Variants in TENM3 observed in about 807,000 individuals in gnomAD.
TENM3 encodes the protein teneurin-3.
A neutral mutation model predicts 255.1 loss-of-function variants in TENM3; 63 were observed. That is an observed-to-expected ratio of 0.25 (90% CI 0.20 to 0.30). The LOEUF is 0.30. TENM3 is among the 10% of genes least tolerant of loss of function. The probability of loss-of-function intolerance (pLI) is 1.00; values close to 1 mark genes in which losing one functional copy is unlikely to be tolerated. For synonymous variants in TENM3, 1,306 were observed against 1,322.3 expected, an observed-to-expected ratio of 0.99 and a Z score of 0.27; for missense variants, 2,929 against 3,461.1, an observed-to-expected ratio of 0.85 and a Z score of 3.86.
At chr4:182,679,065 C>T (rs1014848086) in intron 7 of TENM3, among the ~76,000 whole-genome samples, 4 of 152,054 alleles carry the variant, frequency 2.6e-5, no homozygotes, top group African/African-American at 7.2e-5. Context: ...GTCAGGGTGT[C>T]AGGGGCTAGG....
intron 1 of TENM3, among the ~76,000 whole-genome samples, chr4:182,230,815 T>TATAC (rs1756512062): frequency 3.5e-5 from 1 of 28,934 alleles, no homozygotes; most frequent in Admixed American, 3.0e-4. Flanking sequence ...TCTCAAACTA[T>TATAC]ATATATATAT....
At chr4:182,094,949 A>G in the TENM3 span, among the ~76,000 whole-genome samples, 1 of 139,238 alleles carries the variant, frequency 7.2e-6, no homozygotes, top group African/African-American at 2.6e-5. Context: ...GGTAAAAAAA[A>G]AAAAAAAGGA....
the TENM3 span, among the ~76,000 whole-genome samples, chr4:181,739,182 T>A: frequency 9.2e-5 from 14 of 152,204 alleles, no homozygotes; most frequent in Non-Finnish European, 2.1e-4. Flanking sequence ...TTGCATTCAA[T>A]CAGCATCAGC....
intron 3 of TENM3, among the ~76,000 whole-genome samples, chr4:182,533,659 G>GT (rs1398253986): frequency 4.6e-5 from 7 of 151,816 alleles, no homozygotes; most frequent in Non-Finnish European, 1.0e-4. Context: ...AATATAAAAG[G>GT]TTGTCTTTCA....
chr4:181,903,877 C>T, the TENM3 span, among the ~76,000 whole-genome samples: 2 of 152,072 alleles, frequency 1.3e-5, no homozygotes, highest in African/African-American at 2.4e-5. Context: ...ATCCTCCTGC[C>T]TCTTCTTTTT....
chr4:181,969,579 C>A, the TENM3 span, among the ~76,000 whole-genome samples: 2 of 152,176 alleles, frequency 1.3e-5, no homozygotes, highest in Non-Finnish European at 2.9e-5. Context: ...GTCTCTCTCA[C>A]AAAAGTAAAT....
At chr4:181,701,159 G>A in the TENM3 span, among the ~76,000 whole-genome samples, 1 of 152,116 alleles carries the variant, frequency 6.6e-6, no homozygotes, top group Admixed American at 6.5e-5. Context: ...TAAAGGTAAG[G>A]CAGGTCAGAC....
At chr4:181,621,620 C>A in the TENM3 span, among the ~76,000 whole-genome samples, 1 of 152,158 alleles carries the variant, frequency 6.6e-6, no homozygotes, top group East Asian at 1.9e-4. Flanking sequence ...GGGTCTCACA[C>A]ACACAAAAAA....
At chr4:182,708,208 T>G (rs1758440339) in intron 12 of TENM3, among the ~76,000 whole-genome samples, 1 of 152,058 alleles carries the variant, frequency 6.6e-6, no homozygotes, top group African/African-American at 2.4e-5. Context: ...TATATGCACT[T>G]AGAACAGTAT....
intron 4 of TENM3, among the ~76,000 whole-genome samples, chr4:182,618,263 G>T (rs1215115371): frequency 4.0e-5 from 6 of 151,734 alleles, no homozygotes; most frequent in African/African-American, 1.5e-4. Flanking sequence ...TTTTCAATTG[G>T]GTCCCTATAA....
chr4:182,289,109 A>C (rs1760939037), intron 1 of TENM3, among the ~76,000 whole-genome samples: 1 of 152,170 alleles, frequency 6.6e-6, no homozygotes, highest in African/African-American at 2.4e-5. Flanking sequence ...GCACACCTGT[A>C]GTCCCAGCTA....
chr4:182,022,456 C>T, the TENM3 span, among the ~76,000 whole-genome samples: 251 of 150,956 alleles, frequency 1.7e-3, no homozygotes, highest in African/African-American at 5.2e-3. Flanking sequence ...TGAGGTGATG[C>T]GTTCATTAGG....
At position 182,343,785 on chromosome 4, in the gene TENM3, A is replaced by G. The variant is rs529115500; in HGVS notation, c.233-2866A>G. Reference sequence around the variant, plus strand: ...CTGCTAGATTGCAAGAAATAATCGAATAGACTAATTTATTCTAGTTTAAGG... The same window carrying G: ...CTGCTAGATTGCAAGAAATAATCGAGTAGACTAATTTATTCTAGTTTAAGG... On this transcript the variant is annotated intron_variant, in intron 2 of 27. Coordinates refer to ENST00000511685, the MANE Select transcript of TENM3 (RefSeq NM_001080477.4). Among the ~76,000 whole-genome samples the G allele has an allele frequency of 7.2e-5, 11 of 152,288 alleles. No individual in the cohort carries two copies. The East Asian group carries it at 1.9e-3, about 27-fold the overall frequency.
At chr4:181,652,401 T>C in the TENM3 span, among the ~76,000 whole-genome samples, 1 of 152,222 alleles carries the variant, frequency 6.6e-6, no homozygotes, top group Non-Finnish European at 1.5e-5. Flanking sequence ...CGAAAGTCTG[T>C]GTGTCTCCTT....
Position 182,265,669 on chromosome 4 carries a change from G to A in TENM3, c.-76+22193G>A, listed in dbSNP as rs146632038. On this transcript the variant is annotated intron_variant, in intron 1 of 27. Transcript: ENST00000511685. ...ATCCAACTAAAAAATTTAAAAACTG[G>A]CAAATAAAACATCTTACAACTATTG... Among the ~76,000 whole-genome samples, 978 of 152,158 alleles carry A rather than the reference G, an allele frequency of 6.4e-3. 17 individuals carry two copies. Among genetic ancestry groups the A allele is most frequent in the African/African-American group, 0.023 (938 of 41,500 alleles).
the TENM3 span, among the ~76,000 whole-genome samples, chr4:181,546,509 A>G: frequency 6.6e-6 from 1 of 151,396 alleles, no homozygotes; most frequent in Non-Finnish European, 1.5e-5. Flanking sequence ...AGGTCAGGAG[A>G]TCGAGACCAT....
chr4:181,501,596 T>C, the TENM3 span, among the ~76,000 whole-genome samples: 1 of 152,054 alleles, frequency 6.6e-6, no homozygotes. Flanking sequence ...GCCAGGCTGC[T>C]CTCGAATTCC....
the TENM3 span, among the ~76,000 whole-genome samples, chr4:182,100,626 C>CATAT: frequency 2.0e-5 from 1 of 49,816 alleles, no homozygotes; most frequent in African/African-American, 5.9e-5. Flanking sequence ...TATATACACA[C>CATAT]ACATATATAC....
intron 1 of TENM3, among the ~76,000 whole-genome samples, chr4:182,235,955 C>T (rs569716392): frequency 1.3e-5 from 2 of 152,282 alleles, no homozygotes; most frequent in South Asian, 2.1e-4. Flanking sequence ...GGAACTTTAT[C>T]CCAAGGGCAA....
Sources: allele counts gnomAD v4.1 joint callset (sites outside exome capture counted in the v4.1 genomes callset), GRCh38; gene constraint gnomAD v4.1.1; transcripts MANE v1.5; gene names NCBI Gene and HGNC (gene_info 2026-07-23, HGNC 2026-07-21).